The following FGD6 variants were observed in gnomAD, a reference collection of about 807,000 sequenced individuals.
The protein encoded by FGD6 is FYVE, RhoGEF and PH domain-containing protein 6.
FGD6 carries 90 observed loss-of-function variants against 149.4 expected under a neutral mutation model. The ratio of observed to expected loss-of-function variants is 0.60; its 90% CI spans 0.51 to 0.72. FGD6 has a LOEUF of 0.72. FGD6 is among the 30% of genes least tolerant of loss of function. FGD6 has a pLI of 0.00. For missense variants in FGD6, 1,437 were observed against 1,684.8 expected (o/e 0.85, Z 2.57); for synonymous variants, 527 against 584.0 (o/e 0.90, Z 1.41).
chr12:95,171,794 T>C (rs7973048), intron 3 of FGD6, among the ~76,000 whole-genome samples: 14,305 of 152,044 alleles, frequency 0.094, 905 homozygotes, highest in African/African-American at 0.18. Flanking sequence ...GGATTATAGG[T>C]GTGAACCACC....
chr12:95,145,396 A>G (rs1208293308), intron 5 of FGD6, among the ~76,000 whole-genome samples: 1 of 152,156 alleles, frequency 6.6e-6, no homozygotes, highest in African/African-American at 2.4e-5. Flanking sequence ...ATCCAGTTTT[A>G]GCAAGAACCT....
intron 14 of FGD6, chr12:95,100,801 C>A: frequency 2.3e-6 from 1 of 438,650 alleles, no homozygotes; most frequent in Non-Finnish European, 4.4e-6. Flanking sequence ...ATGCCCTTTT[C>A]CCAACATTGA....
intron 14 of FGD6, among the ~76,000 whole-genome samples, chr12:95,096,416 A>G (rs1347535719): frequency 2.0e-5 from 3 of 152,208 alleles, no homozygotes; most frequent in Non-Finnish European, 2.9e-5. Flanking sequence ...AAAATTTTAA[A>G]TCAAATTAAT....
chr12:95,179,306 C>T (rs113789736), intron 2 of FGD6, among the ~76,000 whole-genome samples: 2 of 151,438 alleles, frequency 1.3e-5, no homozygotes, highest in Non-Finnish European at 2.9e-5. Context: ...TCGAGACCGG[C>T]CTGGGCAACA....
intron 2 of FGD6, among the ~76,000 whole-genome samples, chr12:95,195,202 A>T (rs1881706399): frequency 1.3e-5 from 2 of 152,198 alleles, no homozygotes; most frequent in African/African-American, 4.8e-5. Context: ...GCACCTGATT[A>T]GCTACAACGG....
chr12:95,125,611 G>T (rs1328221442), intron 8 of FGD6: 3 of 273,750 alleles, frequency 1.1e-5, no homozygotes, highest in Non-Finnish European at 1.4e-5. Context: ...ACTCTAACCT[G>T]GGAAACAGAG....
chr12:95,184,993 C>T (rs2136290115), intron 2 of FGD6, among the ~76,000 whole-genome samples: 1 of 152,266 alleles, frequency 6.6e-6, no homozygotes, highest in Admixed American at 6.5e-5. Flanking sequence ...CTTGCCTCAG[C>T]CTCACAAGGA....
intron 10 of FGD6, 26 bp from the exon 11 acceptor site, chr12:95,108,445 T>G: frequency 1.2e-6 from 2 of 1,613,966 alleles, no homozygotes; most frequent in Non-Finnish European, 1.7e-6. Context: ...GGAAAGCATA[T>G]GAAGGCCTGG....
At chr12:95,134,564 G>A (rs1042038989) in intron 8 of FGD6, among the ~76,000 whole-genome samples, 175 bp downstream of exon 8, 3 of 152,106 alleles carry the variant, frequency 2.0e-5, no homozygotes, top group African/African-American at 2.4e-5. Flanking sequence ...ACCGAAAGCC[G>A]TTCAGTTCAG....
intron 15 of FGD6, 74 bp downstream of exon 15, chr12:95,094,499 GAAACACATGTTGCTTTCTT>G: frequency 1.2e-6 from 1 of 805,142 alleles, no homozygotes; most frequent in Non-Finnish European, 2.0e-6. Flanking sequence ...ATCATTTTCT[GAAACACATGTTGCTTTCTT>G]AAACCCCTGT....
chr12:95,211,183 G>T lies in FGD6; in HGVS notation c.101C>A (p.Pro34His). 1 of 1,613,968 alleles carries T rather than the reference G, an allele frequency of 6.2e-7. No individual in the cohort carries two copies. Among genetic ancestry groups the T allele is most frequent in the Non-Finnish European group, 8.5e-7 (1 of 1,180,036 alleles). The change falls in exon 2 of 21, where the codon CCC becomes CAC. Residue 34 changes from proline to histidine, a missense_variant. Pro to His is a moderately conservative substitution (Grantham distance 77). Around this residue, in one of 2 missense-constraint regions of FGD6, gnomAD observed 1,055 missense variants for 1,146.0 expected, o/e 0.92. Transcript: ENST00000343958. ...TGGAACACTAGAAATCACAATGTCG[G>T]GTTTAGGTGCAATAGGAGGTGGGGC... is the stretch of plus-strand genomic sequence containing the variant. ...KPAPPPIAPK[P>H]DIVISSVPQS...
chr12:95,163,439 G>A (rs1420099134), intron 3 of FGD6, among the ~76,000 whole-genome samples: 1 of 152,058 alleles, frequency 6.6e-6, no homozygotes, highest in African/African-American at 2.4e-5. Context: ...AATATTTATA[G>A]GACTTAACCC....
chr12:95,116,569 T>G (rs1250275574), intron 8 of FGD6, among the ~76,000 whole-genome samples: 1 of 152,208 alleles, frequency 6.6e-6, no homozygotes, highest in Non-Finnish European at 1.5e-5. Context: ...GCATTTTCTT[T>G]GCTTGTACTC....
intron 5 of FGD6, among the ~76,000 whole-genome samples, chr12:95,145,528 G>C (rs1368150284): frequency 6.6e-6 from 1 of 152,072 alleles, no homozygotes; most frequent in Non-Finnish European, 1.5e-5. Context: ...AATCTCCCCT[G>C]CTCCTGAAGT....
chr12:95,153,956 A>T (rs35239117), intron 3 of FGD6, among the ~76,000 whole-genome samples: 10,751 of 139,930 alleles, frequency 0.077, 525 homozygotes, highest in East Asian at 0.24. Flanking sequence ...TGAGTGAGAG[A>T]GAGAAGAGAC....
At chr12:95,093,418 G>A (rs1004880121) in intron 15 of FGD6, among the ~76,000 whole-genome samples, 5 of 152,064 alleles carry the variant, frequency 3.3e-5, no homozygotes, top group Non-Finnish European at 7.4e-5. Flanking sequence ...GGTGGCTCAC[G>A]CCTGTAATAC....
intron 20 of FGD6, among the ~76,000 whole-genome samples, chr12:95,084,238 T>TGAGATCACG (rs1877787006): frequency 6.6e-6 from 1 of 152,238 alleles, no homozygotes; most frequent in Admixed American, 6.5e-5. Flanking sequence ...CTGCTTCCTC[T>TGAGATCACG]GAGATCACGT....
rs1386386611 is a variant in FGD6, at chr12:95,217,403, C to G, written c.-163G>C. On this transcript the variant is annotated 5_prime_UTR_variant, in exon 1 of 21. Coordinates refer to ENST00000343958, the MANE Select transcript of FGD6 (RefSeq NM_018351.4). The stretch of plus-strand genomic sequence containing the variant: ...CTGAGCGCCACACAAAGGACGCGGC[C>G]GACTCTAGCGACCCTGCGGCGCTCC... The G allele has an allele frequency of 2.6e-6, 3 of 1,172,292 alleles. No homozygotes were observed. The highest frequency in any genetic ancestry group is 3.4e-6 in the Non-Finnish European group (3 of 882,030). 72.6% of individuals were successfully genotyped at this position (1,172,292 alleles called of 1,614,324 possible). A position where few individuals can be genotyped will look rare whatever the true frequency, so the allele number is the denominator to read the frequency against.
intron 2 of FGD6, among the ~76,000 whole-genome samples, chr12:95,203,008 A>G (rs1223381392): frequency 2.6e-5 from 4 of 152,178 alleles, no homozygotes; most frequent in African/African-American, 9.7e-5. Flanking sequence ...GTTAATGTAT[A>G]CTCTAATCCT....
Sources: gnomAD v4.1 joint callset for allele counts (sites outside exome capture counted in the v4.1 genomes callset) on GRCh38, gnomAD v4.1.1 for gene constraint, gnomAD v4.1.1 regional missense constraint, MANE v1.5 for transcripts, NCBI Gene and HGNC (gene_info 2026-07-23, HGNC 2026-07-21) for gene names.